FLOT2: variants seen among roughly 807,000 people sequenced by gnomAD.
The protein encoded by FLOT2 is flotillin-2.
Under a neutral mutation model 54.9 loss-of-function variants are expected in FLOT2, and 35 were observed. The observed-to-expected ratio is 0.64, with a 90% CI of 0.49 to 0.84. The LOEUF is 0.84. FLOT2 is among the 40% of genes least tolerant of loss of function. The probability of loss-of-function intolerance (pLI) is 0.00; values close to 1 mark genes in which losing one functional copy is unlikely to be tolerated. For synonymous variants in FLOT2, 207 were observed against 228.9 expected (o/e 0.90, Z 0.86); for missense variants, 464 against 572.1 (o/e 0.81, Z 1.93).
Position 28,883,737 on chromosome 17 carries a change from C to T in FLOT2, c.222+488G>A, listed in dbSNP as rs73264575. Among the ~76,000 whole-genome samples, 503 of 152,292 alleles carry T rather than the reference C, an allele frequency of 3.3e-3. 3 individuals are homozygous for T. The highest frequency in any genetic ancestry group is 0.011 in the African/African-American group (449 of 41,552). On this transcript the variant is annotated intron_variant, in intron 3 of 10. Transcript: ENST00000394908. The surrounding 1 kb of genome is among the most constrained non-coding windows in gnomAD (Gnocchi z 5.0). Reference sequence around the variant, plus strand: ...CTACAGCATGGCTGAACCTCACTGCCCTGTGAAGCCAAGAGGTGGATCGGG... The same window carrying T: ...CTACAGCATGGCTGAACCTCACTGCTCTGTGAAGCCAAGAGGTGGATCGGG...
intron 1 of FLOT2, chr17:28,893,279 C>T (rs976611551): frequency 1.3e-5 from 2 of 152,560 alleles, no homozygotes; most frequent in African/African-American, 4.8e-5. Context: ...TCCCTTTCCA[C>T]AATTGAGCTG....
Position 28,880,900 on chromosome 17 carries a change from T to C in FLOT2, c.1099-38A>G. Reference sequence around the variant, plus strand: ...AGTGGGAGGACAGCCTGGTTGGCGCTGACTCTGTTCTCAGCCCGGTCCAGC... The same window carrying C: ...AGTGGGAGGACAGCCTGGTTGGCGCCGACTCTGTTCTCAGCCCGGTCCAGC... On this transcript the variant is annotated intron_variant, in intron 9 of 10. Transcript: ENST00000394908. 2.5e-6 allele frequency: 4 copies of C among 1,611,952 alleles called. No individual in the cohort carries two copies. The South Asian group carries it at 3.3e-5, about 13-fold the overall frequency.
In FLOT2 at chr17:28,881,251, C is replaced by T; in HGVS notation, c.1039G>A (p.Ala347Thr). Residue 347 changes from alanine to threonine, a missense_variant, in exon 9 of 11, where the codon GCC becomes ACC. By Grantham distance (58) the Ala-to-Thr change is moderately conservative. Transcript: ENST00000394908. ...GCTGCATCCCCGTATTTCTGGTAGG[C>T]TTCTGCCTTGAGCTTCATCCGCTCA... The part of the protein sequence containing the change: ...EAERMKLKAE[A>T]YQKYGDAAKM... The T allele has an allele frequency of 6.2e-7, 1 of 1,614,220 alleles. No homozygotes were observed. Among genetic ancestry groups the T allele is most frequent in the Non-Finnish European group, 8.5e-7 (1 of 1,180,036 alleles).
chr17:28,894,936 G>A (rs1266225113), intron 1 of FLOT2, among the ~76,000 whole-genome samples: 1 of 151,030 alleles, frequency 6.6e-6, no homozygotes, highest in African/African-American at 2.4e-5. Context: ...TATTGAAACA[G>A]GGTCTCACTC....
chr17:28,894,838 C>G (rs1053613382), intron 1 of FLOT2, among the ~76,000 whole-genome samples: 4 of 150,260 alleles, frequency 2.7e-5, no homozygotes, highest in Non-Finnish European at 5.9e-5. Context: ...GGGGTTTAGT[C>G]TTTTTTGAGC....
chr17:28,895,605 A>AC (rs1292085283), intron 1 of FLOT2, among the ~76,000 whole-genome samples: 1 of 152,148 alleles, frequency 6.6e-6, no homozygotes, highest in Admixed American at 6.6e-5. Context: ...GTGTAGTAGG[A>AC]AACTTTTTGC....
chr17:28,893,587 G>C (rs971059162), intron 1 of FLOT2, among the ~76,000 whole-genome samples: 1 of 152,006 alleles, frequency 6.6e-6, no homozygotes. Context: ...GTAGAGACAG[G>C]GTCTCGCTGA....
In FLOT2 at chr17:28,897,687, G is replaced by T; in HGVS notation, c.-113C>A. 1 of 976,214 alleles carries T rather than the reference G, an allele frequency of 1.0e-6. No homozygotes were observed. Among genetic ancestry groups the T allele is most frequent in the South Asian group, 4.1e-5 (1 of 24,510 alleles). 60.5% of individuals were successfully genotyped at this position (976,214 alleles called of 1,614,324 possible). On this transcript the variant is annotated 5_prime_UTR_variant, in exon 1 of 11. Transcript: ENST00000394908. The surrounding 1 kb of genome is among the most constrained non-coding windows in gnomAD (Gnocchi z 4.4). ...CGCCACCCCCAGCGGCCGGCCGCCC[G>T]CTCGCTCGCCCGCGCCCCTCTGCGG... is the stretch of plus-strand genomic sequence containing the variant.
rs1424669392 is a variant in FLOT2 at position 28,880,255 on chromosome 17, C to A, written c.*306G>T. The A allele has an allele frequency of 1.6e-6, 2 of 1,257,754 alleles. No homozygotes were observed. The highest frequency in any genetic ancestry group is 2.0e-6 in the Non-Finnish European group (2 of 995,434). The allele number at this position is 1,257,754 out of a possible 1,614,324, so 77.9% of individuals were successfully genotyped here. Reference sequence around the variant, plus strand: ...CACAGAGAGTGATTGTAATAAACATCTTCAGCTTAATCTACATGATGTGCA... The same window carrying A: ...CACAGAGAGTGATTGTAATAAACATATTCAGCTTAATCTACATGATGTGCA... On this transcript the variant is annotated 3_prime_UTR_variant, in exon 11 of 11. Transcript: ENST00000394908.
Position 28,882,889 on chromosome 17 carries a change from C to A in FLOT2, c.347-198G>T, listed in dbSNP as rs530105848. The A allele has an allele frequency of 2.4e-5, 15 of 634,672 alleles. No individual in the cohort carries two copies. The South Asian group carries it at 2.9e-4, about 12-fold the overall frequency. 39.3% of individuals were successfully genotyped at this position (634,672 alleles called of 1,614,324 possible). The stretch of plus-strand genomic sequence containing the variant: ...GCTGAATGAGGAAAAGTGTCCCAAG[C>A]AGCACTAGGTTCCTGAGCAGACCGA... On this transcript the variant is annotated intron_variant, in intron 4 of 10. Coordinates refer to ENST00000394908, the MANE Select transcript of FLOT2 (RefSeq NM_004475.3). This position sits in a 1 kb window ranked among gnomAD's most constrained non-coding sequence, Gnocchi z 5.6.
chr17:28,888,833 T>G, intron 2 of FLOT2, 112 bp downstream of exon 2: 1 of 361,814 alleles, frequency 2.8e-6, no homozygotes, highest in East Asian at 9.5e-5. Flanking sequence ...CAGAATGGAA[T>G]GTGGAAATGG....
chr17:28,897,694 C>A lies in FLOT2; in HGVS notation c.-120G>T. On this transcript the variant is annotated 5_prime_UTR_variant, in exon 1 of 11. Transcript: ENST00000394908. This position sits in a 1 kb window ranked among gnomAD's most constrained non-coding sequence, Gnocchi z 4.4. ...CCCAGCGGCCGGCCGCCCGCTCGCT[C>A]GCCCGCGCCCCTCTGCGGTCGCAGC... The A allele has an allele frequency of 3.3e-6, 3 of 901,360 alleles. No individual in the cohort carries two copies. Among genetic ancestry groups the A allele is most frequent in the South Asian group, 8.9e-5 (2 of 22,512 alleles). 55.8% of individuals were successfully genotyped at this position (901,360 alleles called of 1,614,324 possible). A position where few individuals can be genotyped will look rare whatever the true frequency, so the allele number is the denominator to read the frequency against.
intron 1 of FLOT2, among the ~76,000 whole-genome samples, chr17:28,889,445 T>A (rs1167000246): frequency 6.6e-6 from 1 of 151,848 alleles, no homozygotes; most frequent in Non-Finnish European, 1.5e-5. Flanking sequence ...TTCTCCTGCC[T>A]CAGCCTCCTG....
rs1020679277 is a variant in FLOT2 at position 28,883,497 on chromosome 17, C to T, written c.223-266G>A. 3.9e-5 allele frequency among the ~76,000 whole-genome samples: 6 copies of T among 152,198 alleles called. No individual in the cohort carries two copies. Among genetic ancestry groups the T allele is most frequent in the African/African-American group, 1.2e-4 (5 of 41,448 alleles). On this transcript the variant is annotated intron_variant, in intron 3 of 10. Coordinates refer to ENST00000394908, the MANE Select transcript of FLOT2 (RefSeq NM_004475.3). This position sits in a 1 kb window ranked among gnomAD's most constrained non-coding sequence, Gnocchi z 5.0. ...ATTCGGGGCTTGTCTCCCCACCCCT[C>T]CAGCCTACTGTCCCCTCACCAGCTA...
rs1321533090 is a variant in FLOT2, at chr17:28,882,757, T to C, written c.347-66A>G. 1.8e-6 allele frequency: 2 copies of C among 1,084,786 alleles called. No homozygotes were observed. Among genetic ancestry groups the C allele is most frequent in the African/African-American group, 1.5e-5 (1 of 64,546 alleles). 67.2% of individuals were successfully genotyped at this position (1,084,786 alleles called of 1,614,324 possible). On this transcript the variant is annotated intron_variant, in intron 4 of 10. Transcript: ENST00000394908. This position sits in a 1 kb window ranked among gnomAD's most constrained non-coding sequence, Gnocchi z 5.6. ...AGCCAGCTGGGGAAGGGAGGAGGCA[T>C]GCATGTAGAGGTAGGGGTGCATGCG... is the stretch of plus-strand genomic sequence containing the variant.
chr17:28,890,921 T>C lies in FLOT2; in HGVS notation c.50-1895A>G, dbSNP rs2039640532. ...CTGTTGCCCAGGCTGGAGTACACTGTACACGAGTACAGCACTGCTGGAGTA... is the reference window on the plus strand; with the variant it reads ...CTGTTGCCCAGGCTGGAGTACACTGCACACGAGTACAGCACTGCTGGAGTA... On this transcript the variant is annotated intron_variant, in intron 1 of 10. Transcript: ENST00000394908. 4.7e-5 allele frequency among the ~76,000 whole-genome samples: 7 copies of C among 150,504 alleles called. No homozygotes were observed. In the Admixed American group the frequency reaches 4.7e-4, roughly 10 times the overall value.
Position 28,884,416 on chromosome 17 carries a change from A to G in FLOT2, c.132-101T>C. ...TCACTGCTCCGGCTGGGTCCTGGTG[A>G]GGAAGGTGGAGGGAGGACTCTCCAC... On this transcript the variant is annotated intron_variant, in intron 2 of 10. Transcript: ENST00000394908. The surrounding 1 kb of genome is among the most constrained non-coding windows in gnomAD (Gnocchi z 5.1). 1 of 700,908 alleles carries G rather than the reference A, an allele frequency of 1.4e-6. No homozygotes were observed. Among genetic ancestry groups the G allele is most frequent in the Non-Finnish European group, 2.5e-6 (1 of 406,220 alleles). The allele number at this position is 700,908 out of a possible 1,614,324, so 43.4% of individuals were successfully genotyped here. A position where few individuals can be genotyped will look rare whatever the true frequency, so the allele number is the denominator to read the frequency against.
chr17:28,886,147 G>A (rs1567932736), intron 2 of FLOT2: 2 of 616,646 alleles, frequency 3.2e-6, no homozygotes, highest in Non-Finnish European at 5.8e-6. Context: ...GTGCTGATCC[G>A]AGGCCTCTGG....
chr17:28,888,226 C>T (rs138594438), intron 2 of FLOT2, among the ~76,000 whole-genome samples: 1 of 152,372 alleles, frequency 6.6e-6, no homozygotes, highest in Non-Finnish European at 1.5e-5. Context: ...TGGCGTGCCT[C>T]ATCTCCCGGG....
Sources: allele counts gnomAD v4.1 joint callset (sites outside exome capture counted in the v4.1 genomes callset), GRCh38; gene constraint gnomAD v4.1.1; non-coding constraint Gnocchi (gnomAD v3.1); transcripts MANE v1.5; gene names NCBI Gene and HGNC (gene_info 2026-07-23, HGNC 2026-07-21).